MB21D2: variants seen among roughly 807,000 people sequenced by gnomAD.
The protein encoded by MB21D2 is Mab-21 domain containing 2, also known as nucleotidyltransferase MB21D2.
Under a neutral mutation model 33.3 loss-of-function variants are expected in MB21D2, and 9 were observed. The ratio of observed to expected loss-of-function variants is 0.27; its 90% CI spans 0.16 to 0.47. The LOEUF (loss-of-function observed/expected upper bound fraction) is 0.47, where lower values mean the gene tolerates loss of function less well. MB21D2 is among the 20% of genes least tolerant of loss of function. The pLI is 0.99. For synonymous variants in MB21D2, 241 were observed against 236.3 expected, an observed-to-expected ratio of 1.02 and a Z score of -0.18; for missense variants, 540 against 624.6, an observed-to-expected ratio of 0.86 and a Z score of 1.44.
chr3:192,814,675 A>G (rs1711877281), intron 1 of MB21D2, among the ~76,000 whole-genome samples: 1 of 151,752 alleles, frequency 6.6e-6, no homozygotes, highest in African/African-American at 2.4e-5. Context: ...ATCCTGGCTA[A>G]CACGGTGAAA....
Position 192,917,728 on chromosome 3 carries a change from T to G in MB21D2, c.113A>C (p.Lys38Thr). 6.2e-7 allele frequency: 1 copy of G among 1,614,096 alleles called. No individual in the cohort carries two copies. Among genetic ancestry groups the G allele is most frequent in the Middle Eastern group, 1.7e-4 (1 of 6,036 alleles). ...GTGCTTCGTAAATTCTTGGATGAGT[T>G]TGTTCAATTCCTCCACCCGAGCTCC... The part of the protein sequence containing the change: ...RSGARVEELN[K>T]LIQEFTKHDQ... Residue 38 changes from lysine (K) to threonine (T), a missense_variant, in exon 1 of 2, where the codon AAA (lysine) becomes ACA (threonine). Coordinates refer to ENST00000392452, the MANE Select transcript of MB21D2 (RefSeq NM_178496.4).
At chr3:192,871,618 T>C (rs910909037) in intron 1 of MB21D2, among the ~76,000 whole-genome samples, 8 of 152,180 alleles carry the variant, frequency 5.3e-5, no homozygotes, top group Admixed American at 4.6e-4. Context: ...AGGCAAAGCA[T>C]GTTCCAAGGT....
intron 1 of MB21D2, among the ~76,000 whole-genome samples, chr3:192,809,663 A>C (rs1230335685): frequency 6.6e-6 from 1 of 152,258 alleles, no homozygotes; most frequent in African/African-American, 2.4e-5. Context: ...AGATTTCTAG[A>C]GCAGATTAAA....
At chr3:192,914,300 T>C (rs79426941) in intron 1 of MB21D2, among the ~76,000 whole-genome samples, 2,129 of 152,268 alleles carry the variant, frequency 0.014, 49 homozygotes, top group African/African-American at 0.048. Flanking sequence ...CCTGAGAAGA[T>C]GATTAGTAAA....
chr3:192,847,504 C>A (rs1712701622), intron 1 of MB21D2, among the ~76,000 whole-genome samples: 1 of 152,198 alleles, frequency 6.6e-6, no homozygotes, highest in African/African-American at 2.4e-5. Context: ...ATATGATCAA[C>A]TCACATGAAA....
At chr3:192,824,910 G>A (rs937015903) in intron 1 of MB21D2, among the ~76,000 whole-genome samples, 3 of 152,160 alleles carry the variant, frequency 2.0e-5, no homozygotes, top group Non-Finnish European at 2.9e-5. Context: ...ACCAAACAAA[G>A]TCTATCCAAA....
At chr3:192,820,498 T>C (rs1712022123) in intron 1 of MB21D2, among the ~76,000 whole-genome samples, 2 of 152,236 alleles carry the variant, frequency 1.3e-5, no homozygotes, top group Non-Finnish European at 2.9e-5. Context: ...AGGCACTGGA[T>C]TTACAGCCAG....
At chr3:192,808,938 G>A (rs184668673) in intron 1 of MB21D2, among the ~76,000 whole-genome samples, 28 of 152,358 alleles carry the variant, frequency 1.8e-4, no homozygotes, top group African/African-American at 4.8e-4. Flanking sequence ...GAAGAGCTGA[G>A]TTTATAGTAC....
At chr3:192,892,695 G>A (rs543563513) in intron 1 of MB21D2, among the ~76,000 whole-genome samples, 3 of 152,012 alleles carry the variant, frequency 2.0e-5, no homozygotes, top group Non-Finnish European at 4.4e-5. Context: ...TGCCTGCCTC[G>A]GCCTCCCAAA....
intron 1 of MB21D2, among the ~76,000 whole-genome samples, chr3:192,881,548 G>T (rs1005000897): frequency 7.2e-5 from 11 of 152,142 alleles, no homozygotes; most frequent in African/African-American, 2.7e-4. Context: ...TGTACTGACC[G>T]CTACGAAGTT....
intron 1 of MB21D2, among the ~76,000 whole-genome samples, chr3:192,831,680 A>G (rs1373558568): frequency 5.3e-5 from 8 of 152,186 alleles, no homozygotes; most frequent in African/African-American, 1.7e-4. Flanking sequence ...AAATTCAGAC[A>G]ATCGATTCTA....
At chr3:192,840,760 G>A (rs1228674270) in intron 1 of MB21D2, among the ~76,000 whole-genome samples, 1 of 152,154 alleles carries the variant, frequency 6.6e-6, no homozygotes, top group Non-Finnish European at 1.5e-5. Context: ...GGCAACTGCT[G>A]AACAGATGAA....
Position 192,895,236 on chromosome 3 carries a change from C to T in MB21D2, c.211+22394G>A, listed in dbSNP as rs55679519. ...AGCAGGTGCCCAACCCATGTCACCACCTTCACCCTCAAGAAGATTGGTGGA... is the reference window on the plus strand; with the variant it reads ...AGCAGGTGCCCAACCCATGTCACCATCTTCACCCTCAAGAAGATTGGTGGA... On this transcript the variant is annotated intron_variant, in intron 1 of 1. Coordinates refer to ENST00000392452, the MANE Select transcript of MB21D2 (RefSeq NM_178496.4). Among the ~76,000 whole-genome samples the T allele has an allele frequency of 2.8e-3, 430 of 152,286 alleles. 2 individuals carry two copies. The highest frequency in any genetic ancestry group is 9.9e-3 in the African/African-American group (412 of 41,560).
At chr3:192,837,689 T>C (rs561310822) in intron 1 of MB21D2, among the ~76,000 whole-genome samples, 113 of 152,286 alleles carry the variant, frequency 7.4e-4, no homozygotes, top group Middle Eastern at 3.4e-3. Context: ...TTGCAAAAAA[T>C]ATAGATTCCA....
At chr3:192,894,285 T>C (rs1389699357) in intron 1 of MB21D2, among the ~76,000 whole-genome samples, 1 of 151,836 alleles carries the variant, frequency 6.6e-6, no homozygotes, top group African/African-American at 2.4e-5. Context: ...CCCACCACCA[T>C]GCCTGGCTGA....
intron 1 of MB21D2, among the ~76,000 whole-genome samples, chr3:192,876,960 AC>A (rs1360801365): frequency 6.6e-6 from 1 of 152,120 alleles, no homozygotes; most frequent in Non-Finnish European, 1.5e-5. Flanking sequence ...ATGATGAGCC[AC>A]CCTCTGCCCT....
intron 1 of MB21D2, among the ~76,000 whole-genome samples, chr3:192,806,406 T>C (rs1288970768): frequency 1.3e-5 from 2 of 152,128 alleles, no homozygotes; most frequent in Admixed American, 6.5e-5. Context: ...ATCCTGCAAA[T>C]AGTATATTTT....
chr3:192,810,059 T>A (rs1416776478), intron 1 of MB21D2, among the ~76,000 whole-genome samples: 2 of 152,214 alleles, frequency 1.3e-5, no homozygotes, highest in African/African-American at 4.8e-5. Context: ...GCCAGGAACA[T>A]GACTGCCAAA....
chr3:192,820,612 C>T (rs978516860), intron 1 of MB21D2, among the ~76,000 whole-genome samples: 1 of 152,260 alleles, frequency 6.6e-6, no homozygotes, highest in Non-Finnish European at 1.5e-5. Flanking sequence ...GTAGCGGCCA[C>T]TCAGACTGTG....
Sources: allele counts gnomAD v4.1 joint callset (sites outside exome capture counted in the v4.1 genomes callset), GRCh38; gene constraint gnomAD v4.1.1; transcripts MANE v1.5; gene names NCBI Gene and HGNC (gene_info 2026-07-23, HGNC 2026-07-21).